GRIN2A: variants seen among roughly 807,000 people sequenced by gnomAD.
The protein encoded by GRIN2A is glutamate ionotropic receptor NMDA type subunit 2A.
A neutral mutation model predicts 113.4 loss-of-function variants in GRIN2A; 22 were observed. That is an observed-to-expected ratio of 0.19 (90% CI 0.14 to 0.28). The LOEUF is 0.28. Among genes scored for constraint, GRIN2A ranks in the 10% least tolerant of loss-of-function variants. The pLI is 1.00. For missense variants in GRIN2A, 1,502 were observed against 1,887.0 expected, an observed-to-expected ratio of 0.80 and a Z score of 3.78; for synonymous variants, 827 against 738.4, an observed-to-expected ratio of 1.12 and a Z score of -1.94.
intron 3 of GRIN2A, among the ~76,000 whole-genome samples, chr16:9,932,511 G>C (rs1394944655): frequency 6.6e-6 from 1 of 151,954 alleles, no homozygotes; most frequent in Non-Finnish European, 1.5e-5. Context: ...AAGTAGCTGG[G>C]ACTACAGGCG....
chr16:9,930,539 C>A (rs924927057), intron 3 of GRIN2A, among the ~76,000 whole-genome samples: 1 of 152,212 alleles, frequency 6.6e-6, no homozygotes, highest in Non-Finnish European at 1.5e-5. Flanking sequence ...GAGTCCCAAT[C>A]AGATGTACAG....
intron 2 of GRIN2A, among the ~76,000 whole-genome samples, chr16:9,963,419 C>T (rs1407400551): frequency 6.6e-6 from 1 of 151,924 alleles, no homozygotes; most frequent in African/African-American, 2.4e-5. Flanking sequence ...TGTCCTAATG[C>T]TCTCCCTCCT....
intron 3 of GRIN2A, among the ~76,000 whole-genome samples, chr16:9,911,482 C>G: frequency 6.6e-6 from 1 of 152,156 alleles, no homozygotes. Context: ...CTATCCGTAG[C>G]CTGTTTCTTG....
At position 10,180,150 on chromosome 16, in the gene GRIN2A, C is replaced by G. The variant is rs1215025585; in HGVS notation, c.262G>C (p.Asp88His). The G allele has an allele frequency of 6.2e-7, 1 of 1,614,080 alleles. No homozygotes were observed. Among genetic ancestry groups the G allele is most frequent in the East Asian group, 2.2e-5 (1 of 44,890 alleles). The change falls in exon 2 of 13, where the codon GAC becomes CAC. Residue 88 changes from aspartate to histidine, a missense_variant. Around this residue, in one of 7 missense-constraint regions of GRIN2A, gnomAD observed 149 missense variants for 179.1 expected, o/e 0.83. Coordinates refer to ENST00000330684, the MANE Select transcript of GRIN2A (RefSeq NM_001134407.3). This position sits in a 1 kb window ranked among gnomAD's most constrained non-coding sequence, Gnocchi z 7.0. ...TGGATGCGTGCCCCGGACATGAGGT[C>G]GCACACGTGCGTGATGAGGCTCTTG... is the stretch of plus-strand genomic sequence containing the variant. Reference protein sequence around the residue: ...DPKSLITHVCDLMSGARIHGL... With the variant: ...DPKSLITHVCHLMSGARIHGL...
intron 4 of GRIN2A, among the ~76,000 whole-genome samples, chr16:9,869,314 T>C (rs966358225): frequency 2.0e-5 from 3 of 152,086 alleles, no homozygotes; most frequent in African/African-American, 4.8e-5. Context: ...ATGCCTGTAA[T>C]CTCAGCTACT....
intron 2 of GRIN2A, among the ~76,000 whole-genome samples, chr16:10,116,019 C>T (rs576419340): frequency 2.1e-4 from 32 of 152,228 alleles, no homozygotes; most frequent in African/African-American, 7.5e-4. Flanking sequence ...TACATGCACA[C>T]GTATGTTTAT....
intron 4 of GRIN2A, among the ~76,000 whole-genome samples, chr16:9,858,085 T>C (rs1256688321): frequency 6.6e-6 from 1 of 152,240 alleles, no homozygotes; most frequent in Non-Finnish European, 1.5e-5. Context: ...GTACACTGAC[T>C]GGCTCAGGAA....
At chr16:9,828,493 T>C (rs915034675) in intron 9 of GRIN2A, among the ~76,000 whole-genome samples, 1 of 152,198 alleles carries the variant, frequency 6.6e-6, no homozygotes, top group African/African-American at 2.4e-5. Flanking sequence ...TAGACTTATG[T>C]CAAAAAGATA....
At chr16:10,051,676 G>A (rs553620242) in intron 2 of GRIN2A, among the ~76,000 whole-genome samples, 7 of 152,308 alleles carry the variant, frequency 4.6e-5, no homozygotes, top group Non-Finnish European at 8.8e-5. Flanking sequence ...GTATTCCAGG[G>A]AGAGAGAACT....
chr16:10,168,269 G>A (rs915244628), intron 2 of GRIN2A, among the ~76,000 whole-genome samples: 8 of 152,122 alleles, frequency 5.3e-5, no homozygotes, highest in Non-Finnish European at 8.8e-5. Context: ...TCTACCTTCA[G>A]GATAATGTAA....
intron 2 of GRIN2A, among the ~76,000 whole-genome samples, chr16:10,143,246 G>T (rs150958573): frequency 1.3e-5 from 2 of 152,266 alleles, no homozygotes; most frequent in Admixed American, 6.5e-5. Flanking sequence ...GAAGAAAGTG[G>T]ACAACGCCTT....
chr16:9,976,227 C>G (rs991184439), intron 2 of GRIN2A, among the ~76,000 whole-genome samples: 8 of 152,174 alleles, frequency 5.3e-5, no homozygotes, highest in Admixed American at 2.6e-4. Flanking sequence ...ATCATTAAAT[C>G]CTGGCCAGAC....
intron 2 of GRIN2A, among the ~76,000 whole-genome samples, chr16:10,071,828 G>A (rs1180170176): frequency 2.0e-5 from 3 of 152,220 alleles, no homozygotes; most frequent in Admixed American, 6.5e-5. Flanking sequence ...CCAGGCAGGG[G>A]TTAAATTGTT....
intron 4 of GRIN2A, among the ~76,000 whole-genome samples, chr16:9,861,392 T>A (rs930315851): frequency 1.3e-5 from 2 of 152,228 alleles, no homozygotes; most frequent in African/African-American, 4.8e-5. Context: ...TGATTTAGTG[T>A]CCATATTTAT....
At chr16:9,898,630 C>T (rs763403149) in intron 3 of GRIN2A, among the ~76,000 whole-genome samples, 76 of 152,260 alleles carry the variant, frequency 5.0e-4, no homozygotes, top group Non-Finnish European at 9.7e-4. Context: ...CTGAAGTTCC[C>T]AGGGACGTTT....
chr16:9,814,655 C>A (rs2042152112), intron 10 of GRIN2A, among the ~76,000 whole-genome samples: 1 of 152,146 alleles, frequency 6.6e-6, no homozygotes, highest in Non-Finnish European at 1.5e-5. Flanking sequence ...CTCCATTTCT[C>A]AATAGTCAAC....
At chr16:10,029,297 G>A (rs977085516) in intron 2 of GRIN2A, among the ~76,000 whole-genome samples, 28 of 151,990 alleles carry the variant, frequency 1.8e-4, no homozygotes, top group African/African-American at 6.5e-4. Context: ...CAGGTTCAAG[G>A]GATTCTCCTG....
chr16:9,812,416 A>G (rs1329969570), intron 10 of GRIN2A, among the ~76,000 whole-genome samples: 1 of 152,194 alleles, frequency 6.6e-6, no homozygotes, highest in Non-Finnish European at 1.5e-5. Flanking sequence ...AGGTGGGAGG[A>G]TCACCTGAGG....
intron 2 of GRIN2A, among the ~76,000 whole-genome samples, chr16:10,036,437 C>CTTT (rs1360199200): frequency 1.1e-4 from 10 of 92,650 alleles, no homozygotes; most frequent in Non-Finnish European, 1.4e-4. Context: ...TTAGTACTTA[C>CTTT]TTTTTTTTTT....
Sources: gnomAD v4.1 joint callset for allele counts (sites outside exome capture counted in the v4.1 genomes callset) on GRCh38, gnomAD v4.1.1 for gene constraint, gnomAD v4.1.1 regional missense constraint, Gnocchi (gnomAD v3.1) non-coding constraint, MANE v1.5 for transcripts, NCBI Gene and HGNC (gene_info 2026-07-23, HGNC 2026-07-21) for gene names.